Variants in MRTFA observed in about 807,000 individuals in gnomAD.
MRTFA encodes the protein myocardin related transcription factor A, also known as myocardin-related transcription factor A.
MRTFA carries 20 observed loss-of-function variants against 83.5 expected under a neutral mutation model. That is an observed-to-expected ratio of 0.24 (90% CI 0.17 to 0.35). The LOEUF (loss-of-function observed/expected upper bound fraction) is 0.35, where lower values mean the gene tolerates loss of function less well. Among genes scored for constraint, MRTFA ranks in the 10% least tolerant of loss-of-function variants. The pLI is 1.00. For missense variants in MRTFA, 1,200 were observed against 1,224.7 expected (o/e 0.98, Z 0.30); for synonymous variants, 659 against 541.2 (o/e 1.22, Z -3.02).
chr22:40,420,356 TG>T, intron 11 of MRTFA, 48 bp downstream of exon 11: 1 of 1,585,186 alleles, frequency 6.3e-7, no homozygotes, highest in Non-Finnish European at 8.6e-7. Context: ...ACAGCCCCTG[TG>T]GGAAGGGCCA....
At chr22:40,591,261 A>G (rs1312573321) in intron 2 of MRTFA, among the ~76,000 whole-genome samples, 3 of 151,572 alleles carry the variant, frequency 2.0e-5, no homozygotes, top group Non-Finnish European at 4.4e-5. Context: ...TGGGCAAAAG[A>G]GCGAGACTCC....
intron 1 of MRTFA, among the ~76,000 whole-genome samples, chr22:40,624,241 C>T (rs1008700141): frequency 1.3e-5 from 2 of 151,890 alleles, no homozygotes; most frequent in Non-Finnish European, 2.9e-5. Flanking sequence ...CTGGCCAACA[C>T]AGTGAAACTC....
chr22:40,526,572 A>G (rs2054977328), intron 3 of MRTFA: 1 of 152,244 alleles, frequency 6.6e-6, no homozygotes, highest in Non-Finnish European at 1.5e-5. Context: ...AGACGAGTAT[A>G]AGGACTGTGG....
In MRTFA at chr22:40,547,765, A is replaced by C. The variant is rs547541936; in HGVS notation, c.241+4341T>G. On this transcript the variant is annotated intron_variant, in intron 3 of 14. Transcript: ENST00000355630. The stretch of plus-strand genomic sequence containing the variant: ...AGCTACTCGGTAGCTCAGGAATGAG[A>C]ATCACTTGAACCCTGGAGGCAGAGG... 3.3e-5 allele frequency among the ~76,000 whole-genome samples: 5 copies of C among 152,060 alleles called. No individual in the cohort carries two copies. In the East Asian group the frequency reaches 7.7e-4, roughly 24 times the overall value.
intron 3 of MRTFA, among the ~76,000 whole-genome samples, chr22:40,549,376 C>T (rs1395687634): frequency 6.6e-6 from 1 of 152,160 alleles, no homozygotes; most frequent in East Asian, 1.9e-4. Context: ...TTTATTCATA[C>T]AATGAACTGA....
intron 3 of MRTFA, among the ~76,000 whole-genome samples, chr22:40,541,571 GAGTCA>G (rs1411681484): frequency 6.6e-6 from 1 of 152,162 alleles, no homozygotes; most frequent in African/African-American, 2.4e-5. Flanking sequence ...ATGAAGTACT[GAGTCA>G]AGACCTGTAA....
chr22:40,494,522 C>G (rs2054318898), intron 3 of MRTFA, among the ~76,000 whole-genome samples: 3 of 151,794 alleles, frequency 2.0e-5, no homozygotes. Flanking sequence ...TCTACAAAAA[C>G]CTTAAAAAAT....
chr22:40,590,095 T>C (rs546738699), intron 2 of MRTFA, among the ~76,000 whole-genome samples: 6 of 152,226 alleles, frequency 3.9e-5, no homozygotes, highest in Admixed American at 3.3e-4. Context: ...TTTTTTTGCA[T>C]TTTTTGCATA....
chr22:40,450,563 C>G (rs1247000409), intron 4 of MRTFA, among the ~76,000 whole-genome samples: 1 of 151,986 alleles, frequency 6.6e-6, no homozygotes, highest in Non-Finnish European at 1.5e-5. Flanking sequence ...TCAAGTGATT[C>G]TCCTGCCTCA....
intron 2 of MRTFA, among the ~76,000 whole-genome samples, chr22:40,573,009 C>T (rs114168280): frequency 0.034 from 5,117 of 152,060 alleles, 294 homozygotes; most frequent in African/African-American, 0.12. Flanking sequence ...CTGAAAGAAG[C>T]CAGACACAAA....
At chr22:40,564,565 G>A (rs996286078) in intron 2 of MRTFA, among the ~76,000 whole-genome samples, 1 of 152,070 alleles carries the variant, frequency 6.6e-6, no homozygotes, top group Non-Finnish European at 1.5e-5. Context: ...GTCAAATACC[G>A]CTGAGTATCT....
chr22:40,465,110 A>C (rs1483662978), intron 3 of MRTFA, among the ~76,000 whole-genome samples: 1 of 151,806 alleles, frequency 6.6e-6, no homozygotes, highest in Non-Finnish European at 1.5e-5. Context: ...GAACTTCCCC[A>C]CTCACTCCAC....
chr22:40,593,306 A>G (rs1209847482), intron 2 of MRTFA, among the ~76,000 whole-genome samples: 1 of 152,232 alleles, frequency 6.6e-6, no homozygotes, highest in Non-Finnish European at 1.5e-5. Flanking sequence ...GAGTCACAAT[A>G]TTATTCACCT....
chr22:40,564,745 C>T (rs940692013), intron 2 of MRTFA, among the ~76,000 whole-genome samples: 4 of 152,094 alleles, frequency 2.6e-5, no homozygotes, highest in East Asian at 1.9e-4. Context: ...CTCCGTCTCC[C>T]GGGTTCAAGC....
chr22:40,536,528 C>T (rs1259906113), intron 3 of MRTFA, among the ~76,000 whole-genome samples: 1 of 125,950 alleles, frequency 7.9e-6, no homozygotes, highest in Non-Finnish European at 1.7e-5. Context: ...GCCGCCACCC[C>T]GTCTGGGAAG....
chr22:40,416,890 G>C lies in MRTFA; in HGVS notation c.2578+96C>G. The C allele has an allele frequency of 5.1e-6, 6 of 1,181,380 alleles. No homozygotes were observed. The highest frequency in any genetic ancestry group is 7.3e-6 in the Non-Finnish European group (6 of 820,596). The allele number at this position is 1,181,380 out of a possible 1,614,324, so 73.2% of individuals were successfully genotyped here. ...ACAGTGCTTGCCCAAGACTGGTCACGCACGGAAGCATTCAATAAAAACAAA... is the reference window on the plus strand; with the variant it reads ...ACAGTGCTTGCCCAAGACTGGTCACCCACGGAAGCATTCAATAAAAACAAA... On this transcript the variant is annotated intron_variant, in intron 14 of 14. Transcript: ENST00000355630. The surrounding 1 kb of genome is among the most constrained non-coding windows in gnomAD (Gnocchi z 4.2).
intron 4 of MRTFA, among the ~76,000 whole-genome samples, chr22:40,441,908 G>C (rs1569267153): frequency 1.3e-5 from 2 of 151,996 alleles, no homozygotes; most frequent in Non-Finnish European, 2.9e-5. Context: ...GCTGTGCTCA[G>C]TGTGTCGACA....
intron 4 of MRTFA, among the ~76,000 whole-genome samples, chr22:40,443,943 C>T (rs774407738): frequency 1.3e-5 from 2 of 152,168 alleles, no homozygotes; most frequent in Admixed American, 6.5e-5. Context: ...CAGCATGCAC[C>T]CCCACCATGG....
intron 3 of MRTFA, among the ~76,000 whole-genome samples, chr22:40,477,501 A>G (rs1340626770): frequency 1.3e-5 from 2 of 152,124 alleles, no homozygotes; most frequent in Admixed American, 1.3e-4. Flanking sequence ...TTTTCTCACT[A>G]TAATTCAATT....
Sources: gnomAD v4.1 joint callset for allele counts (sites outside exome capture counted in the v4.1 genomes callset) on GRCh38, gnomAD v4.1.1 for gene constraint, Gnocchi (gnomAD v3.1) non-coding constraint, MANE v1.5 for transcripts, NCBI Gene and HGNC (gene_info 2026-07-23, HGNC 2026-07-21) for gene names.